Variants in HS6ST3 observed in about 807,000 individuals in gnomAD.
The protein encoded by HS6ST3 is heparan sulfate 6-O-sulfotransferase 3.
In HS6ST3, 12 loss-of-function variants were observed where a neutral mutation model predicts 36.7. The observed-to-expected ratio is 0.33, with a 90% CI of 0.21 to 0.53. HS6ST3 has a LOEUF of 0.53. HS6ST3 is among the 20% of genes least tolerant of loss of function. The probability of loss-of-function intolerance (pLI) is 0.95; values close to 1 mark genes in which losing one functional copy is unlikely to be tolerated. For synonymous variants in HS6ST3, 240 were observed against 257.5 expected (o/e 0.93, Z 0.65); for missense variants, 584 against 640.9 (o/e 0.91, Z 0.96).
intron 1 of HS6ST3, among the ~76,000 whole-genome samples, chr13:96,784,718 T>C (rs1248377734): frequency 6.6e-6 from 1 of 152,182 alleles, no homozygotes; most frequent in African/African-American, 2.4e-5. Context: ...ACTCACTGTA[T>C]TAGTTAGACT....
intron 1 of HS6ST3, among the ~76,000 whole-genome samples, chr13:96,427,057 G>T (rs2055590780): frequency 6.6e-6 from 1 of 152,158 alleles, no homozygotes; most frequent in African/African-American, 2.4e-5. Context: ...AATTTTTAAA[G>T]CTTCCCAGGT....
chr13:96,635,253 T>A (rs2056545297), intron 1 of HS6ST3, among the ~76,000 whole-genome samples: 1 of 46,230 alleles, frequency 2.2e-5, no homozygotes, highest in Non-Finnish European at 4.2e-5. Context: ...TTTCATAAGA[T>A]GTAAGTTTTT....
In HS6ST3 at chr13:96,091,403, CAGA is replaced by C. The variant is rs1441908940; in HGVS notation, c.547_549del (p.Lys183del). Reference sequence around the variant, plus strand: ...GCAGCCTTGTAGCTGCAAAGCGGGTCAGAAGAAGTGCACCTGCCACCGGCCTGG... The same window carrying C: ...GCAGCCTTGTAGCTGCAAAGCGGGTCAGAAGTGCACCTGCCACCGGCCTGG... On this transcript the variant is annotated inframe_deletion, in exon 1 of 2. Coordinates refer to ENST00000376705, the MANE Select transcript of HS6ST3 (RefSeq NM_153456.4). 6.2e-7 allele frequency: 1 copy of C among 1,613,574 alleles called. No homozygotes were observed. The highest frequency in any genetic ancestry group is 8.5e-7 in the Non-Finnish European group (1 of 1,179,862).
intron 1 of HS6ST3, among the ~76,000 whole-genome samples, chr13:96,243,669 A>AACAGCT (rs2054571801): frequency 1.3e-5 from 2 of 151,968 alleles, no homozygotes; most frequent in Admixed American, 1.3e-4. Flanking sequence ...TTTCAGTCAC[A>AACAGCT]ACAGCTTTTA....
At chr13:96,568,980 G>T (rs2056291476) in intron 1 of HS6ST3, among the ~76,000 whole-genome samples, 1 of 152,146 alleles carries the variant, frequency 6.6e-6, no homozygotes, top group South Asian at 2.1e-4. Flanking sequence ...TGGGAATGAG[G>T]TAACACTGTC....
intron 1 of HS6ST3, among the ~76,000 whole-genome samples, chr13:96,598,923 G>T (rs967058268): frequency 2.0e-4 from 30 of 152,030 alleles, no homozygotes; most frequent in Non-Finnish European, 2.4e-4. Flanking sequence ...CCTCTATTGA[G>T]ATGATCATAT....
chr13:96,531,757 C>G (rs920857869), intron 1 of HS6ST3, among the ~76,000 whole-genome samples: 1 of 152,184 alleles, frequency 6.6e-6, no homozygotes, highest in Non-Finnish European at 1.5e-5. Context: ...AATTACTTTT[C>G]TTATTGTAAA....
At chr13:96,739,219 T>TTGTGTGTGTGTGAGTGTGTG (rs1876370287) in intron 1 of HS6ST3, among the ~76,000 whole-genome samples, 1 of 126,236 alleles carries the variant, frequency 7.9e-6, no homozygotes, top group Non-Finnish European at 1.7e-5. Flanking sequence ...CGACATTTGC[T>TTGTGTGTGTGTGAGTGTGTG]TGTGTGTGTG....
intron 1 of HS6ST3, among the ~76,000 whole-genome samples, chr13:96,557,280 C>G (rs1164322395): frequency 1.3e-5 from 2 of 152,158 alleles, no homozygotes; most frequent in African/African-American, 2.4e-5. Context: ...GCTCATATGA[C>G]TAACAGTGGC....
chr13:96,177,196 T>G (rs1201571520), intron 1 of HS6ST3, among the ~76,000 whole-genome samples: 2 of 152,118 alleles, frequency 1.3e-5, no homozygotes, highest in Non-Finnish European at 2.9e-5. Flanking sequence ...GTTCAACCAT[T>G]GTGGAAAGCA....
At chr13:96,632,810 C>T (rs1215446360) in intron 1 of HS6ST3, among the ~76,000 whole-genome samples, 2 of 152,138 alleles carry the variant, frequency 1.3e-5, no homozygotes, top group African/African-American at 4.8e-5. Context: ...ATAGTTCAGG[C>T]TGTATGCAAC....
At chr13:96,646,956 A>T (rs531287426) in intron 1 of HS6ST3, among the ~76,000 whole-genome samples, 1 of 152,092 alleles carries the variant, frequency 6.6e-6, no homozygotes, top group South Asian at 2.1e-4. Flanking sequence ...ATTCAACTAC[A>T]ATTTGAGAAG....
chr13:96,768,584 G>T (rs964097493), intron 1 of HS6ST3, among the ~76,000 whole-genome samples: 6 of 152,080 alleles, frequency 3.9e-5, no homozygotes, highest in Non-Finnish European at 1.5e-5. Context: ...ACTTAGAATA[G>T]AATGCATTCC....
At chr13:96,773,866 C>G (rs192938057) in intron 1 of HS6ST3, among the ~76,000 whole-genome samples, 2 of 152,188 alleles carry the variant, frequency 1.3e-5, no homozygotes, top group Non-Finnish European at 2.9e-5. Flanking sequence ...TCCCTGACCC[C>G]TGTGTCTCCT....
chr13:96,587,145 G>A (rs959139914), intron 1 of HS6ST3, among the ~76,000 whole-genome samples: 1 of 151,874 alleles, frequency 6.6e-6, no homozygotes, highest in Non-Finnish European at 1.5e-5. Flanking sequence ...TGTTCCATTG[G>A]TCTGTGTCTG....
chr13:96,186,479 AGT>A (rs1405284415), intron 1 of HS6ST3, among the ~76,000 whole-genome samples: 1 of 152,196 alleles, frequency 6.6e-6, no homozygotes, highest in Non-Finnish European at 1.5e-5. Context: ...TTATGCACTC[AGT>A]GTTTGTTCTG....
At chr13:96,371,658 C>G (rs144315134) in intron 1 of HS6ST3, among the ~76,000 whole-genome samples, 1 of 152,296 alleles carries the variant, frequency 6.6e-6, no homozygotes, top group African/African-American at 2.4e-5. Flanking sequence ...CCATTCTGCT[C>G]TCTGTTTCTG....
chr13:96,578,943 G>A (rs918058496), intron 1 of HS6ST3, among the ~76,000 whole-genome samples: 2 of 152,118 alleles, frequency 1.3e-5, no homozygotes, highest in African/African-American at 4.8e-5. Context: ...CCAGAGCTAG[G>A]ACATTCTCTG....
At chr13:96,736,653 T>G (rs1243869407) in intron 1 of HS6ST3, among the ~76,000 whole-genome samples, 1 of 152,180 alleles carries the variant, frequency 6.6e-6, no homozygotes, top group Admixed American at 6.5e-5. Flanking sequence ...TATCAGACTC[T>G]TTACCCCCAA....
Sources: allele counts gnomAD v4.1 joint callset (sites outside exome capture counted in the v4.1 genomes callset), GRCh38; gene constraint gnomAD v4.1.1; transcripts MANE v1.5; gene names NCBI Gene and HGNC (gene_info 2026-07-23, HGNC 2026-07-21).